Variants in LRRC37A observed in about 807,000 individuals in gnomAD.
The protein encoded by LRRC37A is leucine rich repeat containing 37A.
A neutral mutation model predicts 35.4 loss-of-function variants in LRRC37A; 3 were observed. The ratio of observed to expected loss-of-function variants is 0.08; its 90% CI spans 0.04 to 0.22. The LOEUF (loss-of-function observed/expected upper bound fraction) is 0.22. Ranked by LOEUF, LRRC37A falls within the 10% of genes least tolerant of loss-of-function variation. The pLI is 1.00. For synonymous variants in LRRC37A, 23 were observed against 215.0 expected (o/e 0.11, Z 7.81); for missense variants, 67 against 565.3 (o/e 0.12, Z 8.94).
At chr17:46,256,081 T>C in the LRRC37A span, among the ~76,000 whole-genome samples, 3 of 152,176 alleles carry the variant, frequency 2.0e-5, no homozygotes, top group African/African-American at 7.2e-5. Flanking sequence ...ATGGGATGAG[T>C]GTCTTAAAAG....
the LRRC37A span, among the ~76,000 whole-genome samples, chr17:46,287,689 C>T: frequency 1.2e-4 from 18 of 152,332 alleles, no homozygotes; most frequent in Middle Eastern, 3.4e-3. Context: ...GGCTAGTTAA[C>T]GGGTAGGGAA....
chr17:46,261,461 G>A, the LRRC37A span, among the ~76,000 whole-genome samples: 30 of 152,198 alleles, frequency 2.0e-4, no homozygotes, highest in African/African-American at 7.2e-4. Flanking sequence ...GCCCAGGCTG[G>A]AGTGCAATGG....
At chr17:46,289,881 A>G (rs1251492103), upstream of LRRC37A, among the ~76,000 whole-genome samples, 1 of 152,184 alleles carries the variant, frequency 6.6e-6, no homozygotes, top group Non-Finnish European at 1.5e-5. Context: ...GCAGTTTGGG[A>G]GGCCGAGGGC....
chr17:46,257,820 C>CAA, the LRRC37A span, among the ~76,000 whole-genome samples: 36 of 145,896 alleles, frequency 2.5e-4, no homozygotes, highest in East Asian at 6.1e-4. Context: ...AGGCCCATGT[C>CAA]AAAAAAAAAA....
upstream of LRRC37A, among the ~76,000 whole-genome samples, chr17:46,290,530 T>C (rs1445252555): frequency 2.6e-5 from 4 of 152,248 alleles, no homozygotes; most frequent in African/African-American, 9.6e-5. Context: ...CACTGCAACC[T>C]CCGCCTTCTG....
chr17:46,270,325 C>A, the LRRC37A span, among the ~76,000 whole-genome samples: 1 of 152,206 alleles, frequency 6.6e-6, no homozygotes, highest in African/African-American at 2.4e-5. Flanking sequence ...CATTACAATA[C>A]CTGATACTAT....
the LRRC37A span, among the ~76,000 whole-genome samples, chr17:46,278,551 T>C: frequency 3.4e-5 from 5 of 148,878 alleles, no homozygotes; most frequent in African/African-American, 1.0e-4. Flanking sequence ...TTACAGGCGC[T>C]CACCACTGCG....
the LRRC37A span, chr17:46,267,605 CCA>C: frequency 6.3e-7 from 1 of 1,582,416 alleles, no homozygotes; most frequent in Admixed American, 1.7e-5. Flanking sequence ...TGTGGGTCGT[CCA>C]GTCTTTTTTT....
At chr17:46,271,168 T>C in the LRRC37A span, among the ~76,000 whole-genome samples, 7 of 112,738 alleles carry the variant, frequency 6.2e-5, no homozygotes, top group Non-Finnish European at 1.2e-4. Flanking sequence ...TAGTTTCTTT[T>C]TTTTTTTTTT....
the LRRC37A span, chr17:46,275,134 C>T: frequency 0.16 from 35,313 of 219,790 alleles, 2 homozygotes; most frequent in Middle Eastern, 0.25. Flanking sequence ...TCAGATGATC[C>T]GCCCGCCTTG....
chr17:46,267,602 C>G, the LRRC37A span: 1 of 1,585,416 alleles, frequency 6.3e-7, no homozygotes, highest in Non-Finnish European at 8.7e-7. Flanking sequence ...GGCTGTGGGT[C>G]GTCCAGTCTT....
the LRRC37A span, among the ~76,000 whole-genome samples, chr17:46,257,177 T>C: frequency 1.3e-5 from 2 of 151,888 alleles, no homozygotes; most frequent in African/African-American, 4.8e-5. Context: ...CTGGGCATGG[T>C]GGCTCACACC....
the LRRC37A span, among the ~76,000 whole-genome samples, chr17:46,273,961 G>A: frequency 1.3e-5 from 2 of 152,184 alleles, no homozygotes; most frequent in East Asian, 1.9e-4. Context: ...GTATCTTGTC[G>A]CATTACCTTT....
the LRRC37A span, among the ~76,000 whole-genome samples, chr17:46,269,099 A>G: frequency 1.7e-5 from 2 of 115,320 alleles, no homozygotes; most frequent in Non-Finnish European, 4.6e-5. Context: ...TTCAAACCTG[A>G]TTTATATTCA....
chr17:46,281,666 G>A, the LRRC37A span, among the ~76,000 whole-genome samples: 6 of 152,134 alleles, frequency 3.9e-5, no homozygotes, highest in Admixed American at 2.0e-4. Context: ...TTCTTCTTTT[G>A]TGAGAGTCTC....
At chr17:46,321,357 G>GAAAAA (rs763727306) in intron 5 of LRRC37A, among the ~76,000 whole-genome samples, 2 of 31,356 alleles carry the variant, frequency 6.4e-5, no homozygotes, top group Non-Finnish European at 8.7e-5. Context: ...CTCCGTCTCA[G>GAAAAA]AAAAAAAAAA....
At chr17:46,261,735 TAAAA>T in the LRRC37A span, among the ~76,000 whole-genome samples, 237 of 86,448 alleles carry the variant, frequency 2.7e-3, no homozygotes, top group African/African-American at 0.01. Flanking sequence ...TTTTAACCAC[TAAAA>T]AAAAAAAAAA....
chr17:46,332,913 A>G (rs1199583942), intron 10 of LRRC37A, among the ~76,000 whole-genome samples: 1 of 151,434 alleles, frequency 6.6e-6, no homozygotes, highest in Non-Finnish European at 1.5e-5. Context: ...AAGTCGATAT[A>G]ATAGCAAAAT....
At chr17:46,266,036 A>C in the LRRC37A span, among the ~76,000 whole-genome samples, 2 of 152,210 alleles carry the variant, frequency 1.3e-5, no homozygotes, top group Non-Finnish European at 2.9e-5. Flanking sequence ...GGCAGAGGTT[A>C]CAGTGAGCTG....
Sources: gnomAD v4.1 joint callset for allele counts (sites outside exome capture counted in the v4.1 genomes callset) on GRCh38, gnomAD v4.1.1 for gene constraint, MANE v1.5 for transcripts, NCBI Gene and HGNC (gene_info 2026-07-23, HGNC 2026-07-21) for gene names.